The following PTCD2 variants were observed in gnomAD, a reference collection of about 807,000 sequenced individuals.
The protein encoded by PTCD2 is pentatricopeptide repeat-containing protein 2, mitochondrial.
A neutral mutation model predicts 42.6 loss-of-function variants in PTCD2; 31 were observed. The observed-to-expected ratio is 0.73, with a 90% CI of 0.55 to 0.98. PTCD2 has a LOEUF of 0.98. PTCD2 is among the 50% of genes least tolerant of loss of function. The pLI, the probability that PTCD2 is intolerant of heterozygous loss-of-function variation, is 0.00. For synonymous variants in PTCD2, 183 were observed against 170.9 expected (o/e 1.07, Z -0.55); for missense variants, 476 against 454.8 (o/e 1.05, Z -0.42).
intron 5 of PTCD2, among the ~76,000 whole-genome samples, chr5:72,335,311 C>T (rs1406103522): frequency 3.3e-5 from 5 of 151,748 alleles, no homozygotes; most frequent in Middle Eastern, 6.8e-3. Flanking sequence ...TAGCCGGGCG[C>T]GGTGGCGGGC....
At chr5:72,323,543 T>C (rs1309702819) in intron 2 of PTCD2, among the ~76,000 whole-genome samples, 1 of 152,130 alleles carries the variant, frequency 6.6e-6, no homozygotes, top group Non-Finnish European at 1.5e-5. Context: ...CTTTTTTTTT[T>C]AATAACTCTT....
intron 1 of PTCD2, 70 bp from the exon 2 acceptor site, chr5:72,322,102 C>G: frequency 1.3e-6 from 1 of 778,942 alleles, no homozygotes; most frequent in South Asian, 1.4e-5. Context: ...TAATCCAGCT[C>G]TATTCATGTT....
At chr5:72,331,153 G>A (rs533436959) in intron 3 of PTCD2, 105 bp from the exon 4 acceptor site, 13 of 738,492 alleles carry the variant, frequency 1.8e-5, no homozygotes, top group Non-Finnish European at 1.9e-5. Context: ...AGAGGACTTC[G>A]TTCTCTGTTG....
chr5:72,348,546 G>C (rs187225475), intron 8 of PTCD2, among the ~76,000 whole-genome samples: 7 of 152,276 alleles, frequency 4.6e-5, no homozygotes, highest in Admixed American at 3.9e-4. Flanking sequence ...TGATTTAACA[G>C]ATCTCATCAA....
Position 72,352,667 on chromosome 5 carries a change from G to T in PTCD2, c.855G>T (p.Met285Ile). The change falls in exon 9 of 10, where the codon ATG becomes ATT. Residue 285 changes from methionine (M) to isoleucine (I), a missense_variant. Physicochemically the swap from Met to Ile is conservative, Grantham distance 10. Coordinates refer to ENST00000380639, the MANE Select transcript of PTCD2 (RefSeq NM_024754.5). The part of the protein sequence containing the change: ...LNIIIHIQSN[M>I]LENLIKTLKN... Reference sequence around the variant, plus strand: ...TTATAATCCATATCCAGTCAAATATGTTGGAAAACCTGATAAAGACTCTAA... The same window carrying T: ...TTATAATCCATATCCAGTCAAATATTTTGGAAAACCTGATAAAGACTCTAA... 1 of 1,586,494 alleles carries T rather than the reference G, an allele frequency of 6.3e-7. No homozygotes were observed. The highest frequency in any genetic ancestry group is 2.2e-5 in the East Asian group (1 of 44,678).
Position 72,358,721 on chromosome 5 carries a change from A to G in PTCD2, c.*294A>G, listed in dbSNP as rs942353107. The G allele has an allele frequency of 7.2e-6, 3 of 417,930 alleles. No homozygotes were observed. The highest frequency in any genetic ancestry group is 6.0e-5 in the African/African-American group (3 of 50,292). The allele number at this position is 417,930 out of a possible 1,614,324, so 25.9% of individuals were successfully genotyped here. On this transcript the variant is annotated 3_prime_UTR_variant, in exon 10 of 10. Transcript: ENST00000380639. ...GTTCAGCTTCCGACACCAGAGTGGA[A>G]CCCAGTAAGCACCATCAGGAATGAA...
At chr5:72,324,520 C>T (rs1751037330) in intron 2 of PTCD2, among the ~76,000 whole-genome samples, 1 of 152,180 alleles carries the variant, frequency 6.6e-6, no homozygotes, top group African/African-American at 2.4e-5. Flanking sequence ...TATCCCCCTC[C>T]TCCATTTCTC....
At chr5:72,342,389 C>T (rs1048097337) in intron 7 of PTCD2, among the ~76,000 whole-genome samples, 3 of 152,228 alleles carry the variant, frequency 2.0e-5, no homozygotes, top group African/African-American at 7.2e-5. Context: ...CTCATCTCTG[C>T]CACCACAGGA....
intron 9 of PTCD2, among the ~76,000 whole-genome samples, chr5:72,353,419 T>G (rs1358178323): frequency 6.6e-6 from 1 of 152,202 alleles, no homozygotes; most frequent in Non-Finnish European, 1.5e-5. Flanking sequence ...AGACCATATG[T>G]TTAGATAAGA....
At chr5:72,333,921 A>T (rs1343437965) in intron 4 of PTCD2, among the ~76,000 whole-genome samples, 1 of 152,228 alleles carries the variant, frequency 6.6e-6, no homozygotes, top group Admixed American at 6.5e-5. Context: ...TGGCACTATT[A>T]TCATAGCTCA....
At chr5:72,331,182 A>G in intron 3 of PTCD2, 76 bp from the exon 4 acceptor site, 1 of 922,396 alleles carries the variant, frequency 1.1e-6, no homozygotes, top group Non-Finnish European at 1.8e-6. Context: ...TACCTGGCAC[A>G]GTACCTGCCA....
Position 72,320,398 on chromosome 5 carries a change from A to G in PTCD2, c.16A>G (p.Met6Val), listed in dbSNP as rs779291815. 1.7e-5 allele frequency: 28 copies of G among 1,613,928 alleles called. No individual in the cohort carries two copies. The East Asian group carries it at 2.2e-4, about 13-fold the overall frequency. Residue 6 changes from methionine (M) to valine (V), a missense_variant, in exon 1 of 10, where the codon ATG becomes GTG. Transcript: ENST00000380639. Reference protein sequence around the residue: MVRDSMAAAFRPSNRV... With the variant: MVRDSVAAAFRPSNRV... ...AGTAGTTGGTATGGTCCGAGACAGT[A>G]TGGCTGCTGCATTTCGGCCCTCGAA...
chr5:72,358,218 GA>G lies in PTCD2; in HGVS notation c.963del (p.Val322Ter). On this transcript the variant is annotated frameshift_variant, in exon 10 of 10. Transcript: ENST00000380639. LOFTEE classifies it low-confidence loss of function (END_TRUNC). Reference protein sequence around the residue: ...FSEEVLAKVREKVKDVPALVA... With the variant: ...FSEEVLAKVRXKVKDVPALVA... Reference sequence around the variant, plus strand: ...TTTTTTCCAGCTGGCCAAAGTGAGGGAAAAAGTGAAGGATGTGCCTGCCCTT... The same window carrying G: ...TTTTTTCCAGCTGGCCAAAGTGAGGGAAAAGTGAAGGATGTGCCTGCCCTT... The G allele has an allele frequency of 6.2e-7, 1 of 1,613,950 alleles. No individual in the cohort carries two copies. The highest frequency in any genetic ancestry group is 1.3e-5 in the African/African-American group (1 of 75,040).
At chr5:72,327,074 C>A (rs983025615) in intron 3 of PTCD2, among the ~76,000 whole-genome samples, 4 of 152,212 alleles carry the variant, frequency 2.6e-5, no homozygotes, top group Non-Finnish European at 5.9e-5. Context: ...TTCTCACTGG[C>A]TAGTCACTCA....
intron 3 of PTCD2, among the ~76,000 whole-genome samples, chr5:72,329,338 G>A (rs1016095248): frequency 5.9e-5 from 9 of 152,198 alleles, no homozygotes; most frequent in Middle Eastern, 3.2e-3. Flanking sequence ...GGAGAGTCAC[G>A]AGCTGAAACA....
chr5:72,360,483 C>T lies in PTCD2; in HGVS notation c.*2056C>T, dbSNP rs773797476. On this transcript the variant is annotated 3_prime_UTR_variant, in exon 10 of 10. Transcript: ENST00000380639. ...GGTCCATTCCACCTGTTCCCAGAAA[C>T]CTCAGTACAGAGGTAGCTATATGCA... is the stretch of plus-strand genomic sequence containing the variant. 7.2e-5 allele frequency: 11 copies of T among 152,200 alleles called. No individual in the cohort carries two copies. Among genetic ancestry groups the T allele is most frequent in the Admixed American group, 2.6e-4 (4 of 15,270 alleles). The allele number at this position is 152,200 out of a possible 1,614,324, so 9.4% of individuals were successfully genotyped here.
At chr5:72,341,580 T>C (rs531244265) in intron 7 of PTCD2, among the ~76,000 whole-genome samples, 39 of 151,544 alleles carry the variant, frequency 2.6e-4, no homozygotes, top group African/African-American at 9.4e-4. Flanking sequence ...AAAAAATAAA[T>C]AAATAAATAA....
chr5:72,333,529 C>G (rs75516853), intron 4 of PTCD2, among the ~76,000 whole-genome samples: 25 of 152,156 alleles, frequency 1.6e-4, no homozygotes, highest in African/African-American at 5.8e-4. Flanking sequence ...AGTAGGTGAT[C>G]GGAAAAGAGT....
chr5:72,325,861 G>GC (rs1751107501), intron 2 of PTCD2, among the ~76,000 whole-genome samples: 1 of 152,188 alleles, frequency 6.6e-6, no homozygotes, highest in South Asian at 2.1e-4. Context: ...TGGGAATAAA[G>GC]CCCCTTATTG....
Sources: gnomAD v4.1 joint callset for allele counts (sites outside exome capture counted in the v4.1 genomes callset) on GRCh38, gnomAD v4.1.1 for gene constraint, MANE v1.5 for transcripts, NCBI Gene and HGNC (gene_info 2026-07-23, HGNC 2026-07-21) for gene names.